BTBD3: variants seen among roughly 807,000 people sequenced by gnomAD.
BTBD3 encodes the protein BTB domain containing 3.
BTBD3 carries 14 observed loss-of-function variants against 41.6 expected under a neutral mutation model. The observed-to-expected ratio is 0.34, with a 90% CI of 0.22 to 0.53. The LOEUF (loss-of-function observed/expected upper bound fraction) is 0.53, where lower values mean the gene tolerates loss of function less well. Among genes scored for constraint, BTBD3 ranks in the 20% least tolerant of loss-of-function variants. The pLI is 0.95. For synonymous variants in BTBD3, 249 were observed against 233.7 expected (o/e 1.07, Z -0.60); for missense variants, 426 against 654.7 (o/e 0.65, Z 3.81).
chr20:11,898,217 C>G lies in BTBD3; in HGVS notation c.-126+7263C>G, dbSNP rs115987823. Reference sequence around the variant, plus strand: ...CCCTACATGATCTGATTCTCACTAACTGACCTCTTCTCCCGCTTGTCTCCC... The same window carrying G: ...CCCTACATGATCTGATTCTCACTAAGTGACCTCTTCTCCCGCTTGTCTCCC... On this transcript the variant is annotated intron_variant, in intron 1 of 4. Coordinates refer to the BTBD3 transcript ENST00000254977. Among the ~76,000 whole-genome samples, 1,447 of 152,180 alleles carry G rather than the reference C, an allele frequency of 9.5e-3. 26 individuals carry two copies. Among genetic ancestry groups the G allele is most frequent in the African/African-American group, 0.033 (1,369 of 41,516 alleles).
At chr20:11,896,576 A>G (rs1294112811) in intron 1 of BTBD3, among the ~76,000 whole-genome samples, 2 of 152,212 alleles carry the variant, frequency 1.3e-5, no homozygotes, top group African/African-American at 4.8e-5. Flanking sequence ...TTTAGTAAGG[A>G]AAAGAATAGT....
At chr20:11,921,319 T>A (rs1377844555) in intron 3 of BTBD3, among the ~76,000 whole-genome samples, 1 of 152,256 alleles carries the variant, frequency 6.6e-6, no homozygotes, top group African/African-American at 2.4e-5. Flanking sequence ...CTATAGCAGA[T>A]ATTGATAAAG....
At position 11,897,746 on chromosome 20, in the gene BTBD3, T is replaced by C. The variant is rs573901379; in HGVS notation, c.-126+6792T>C. ...TCCTTCCCTGGCTTCTCTTTGATTT[T>C]CCATCTGCTTAACATCAGAGTGATC... On this transcript the variant is annotated intron_variant, in intron 1 of 4. Coordinates refer to the BTBD3 transcript ENST00000254977. Among the ~76,000 whole-genome samples the C allele has an allele frequency of 5.9e-5, 9 of 152,356 alleles. No individual in the cohort carries two copies. In the East Asian group the frequency reaches 1.7e-3, roughly 29 times the overall value.
Position 11,919,179 on chromosome 20 carries a change from A to G in BTBD3, c.417+3A>G. ...CTCAACGGTTGCCAGGACACAAAGT[A>G]AGCAACAGCTGCATGACCGGTTTAG... On this transcript the variant is annotated splice_donor_region_variant and intron_variant, in intron 2 of 3. Coordinates refer to ENST00000378226, the MANE Select transcript of BTBD3 (RefSeq NM_014962.4). 1 of 1,612,802 alleles carries G rather than the reference A, an allele frequency of 6.2e-7. No homozygotes were observed. The highest frequency in any genetic ancestry group is 8.5e-7 in the Non-Finnish European group (1 of 1,179,058).
At position 11,918,307 on chromosome 20, in the gene BTBD3, G is replaced by A. The variant is rs1254916725; in HGVS notation, c.32G>A (p.Cys11Tyr). Residue 11 changes from cysteine (C) to tyrosine (Y), a missense_variant, in exon 1 of 4, where the codon TGT becomes TAT. Cys to Tyr is a radical substitution (Grantham distance 194). This residue lies in a region of BTBD3 where 53 missense variants were observed against 74.8 expected (regional missense o/e 0.71). Coordinates refer to ENST00000378226, the MANE Select transcript of BTBD3 (RefSeq NM_014962.4). MVDDKEKNMK[C>Y]LTFFLMLPET... ...GATGACAAGGAAAAGAACATGAAATGTCTCACCTTCTTCTTGATGCTTCCA... is the reference window on the plus strand; with the variant it reads ...GATGACAAGGAAAAGAACATGAAATATCTCACCTTCTTCTTGATGCTTCCA... 1 of 1,604,216 alleles carries A rather than the reference G, an allele frequency of 6.2e-7. No homozygotes were observed. Among genetic ancestry groups the A allele is most frequent in the Admixed American group, 1.7e-5 (1 of 58,188 alleles).
At chr20:11,911,645 C>G (rs1307380064) in intron 1 of BTBD3, among the ~76,000 whole-genome samples, 1 of 152,194 alleles carries the variant, frequency 6.6e-6, no homozygotes, top group Non-Finnish European at 1.5e-5. Context: ...TCAAAGCCAT[C>G]CTAGGCCTCT....
At chr20:11,908,297 T>G (rs992913828) in intron 1 of BTBD3, among the ~76,000 whole-genome samples, 11 of 147,436 alleles carry the variant, frequency 7.5e-5, no homozygotes, top group Non-Finnish European at 1.5e-5. Context: ...CTGTTAACTA[T>G]GGTGGAGTGG....
At chr20:11,916,507 A>G (rs1208376000), upstream of BTBD3, among the ~76,000 whole-genome samples, 1 of 152,188 alleles carries the variant, frequency 6.6e-6, no homozygotes, top group East Asian at 1.9e-4. Flanking sequence ...TAACTGTGCT[A>G]CAGGCCCTGG....
intron 1 of BTBD3, among the ~76,000 whole-genome samples, chr20:11,892,225 A>G (rs1004038261): frequency 5.9e-5 from 9 of 152,138 alleles, no homozygotes; most frequent in Non-Finnish European, 1.0e-4. Flanking sequence ...CAATTGTTCT[A>G]AGTGTTGTTT....
At chr20:11,892,163 G>A (rs1050965716) in intron 1 of BTBD3, among the ~76,000 whole-genome samples, 2 of 152,168 alleles carry the variant, frequency 1.3e-5, no homozygotes, top group African/African-American at 2.4e-5. Flanking sequence ...GGAGGGAAGC[G>A]TCTCTAACGG....
intron 1 of BTBD3, among the ~76,000 whole-genome samples, chr20:11,909,161 G>T (rs1376348539): frequency 6.6e-6 from 1 of 151,644 alleles, no homozygotes; most frequent in Non-Finnish European, 1.5e-5. Flanking sequence ...GTAATCTCAG[G>T]TATTTGGGAA....
chr20:11,894,780 A>G (rs1389741414), intron 1 of BTBD3, among the ~76,000 whole-genome samples: 1 of 152,128 alleles, frequency 6.6e-6, no homozygotes, highest in Non-Finnish European at 1.5e-5. Context: ...ATGCTTGGAA[A>G]GCCCAGAAAG....
At chr20:11,900,290 G>T (rs532174932) in intron 1 of BTBD3, among the ~76,000 whole-genome samples, 1 of 152,284 alleles carries the variant, frequency 6.6e-6, no homozygotes, top group African/African-American at 2.4e-5. Flanking sequence ...TAAATATTCA[G>T]TACTATTGGC....
chr20:11,895,182 T>G (rs1024597426), intron 1 of BTBD3, among the ~76,000 whole-genome samples: 1 of 152,324 alleles, frequency 6.6e-6, no homozygotes, highest in African/African-American at 2.4e-5. Context: ...GTTTTAGGTC[T>G]TGCTTCTCTG....
intron 1 of BTBD3, among the ~76,000 whole-genome samples, chr20:11,912,354 C>T (rs1256466834): frequency 6.6e-6 from 1 of 152,208 alleles, no homozygotes; most frequent in Non-Finnish European, 1.5e-5. Flanking sequence ...GGCACCCAGC[C>T]TGAAGTGTGG....
chr20:11,894,280 C>A (rs953221001), intron 1 of BTBD3, among the ~76,000 whole-genome samples: 2 of 152,154 alleles, frequency 1.3e-5, no homozygotes, highest in Non-Finnish European at 2.9e-5. Context: ...TTAAATATTT[C>A]GGATTTACTC....
chr20:11,897,594 T>C (rs1232490), intron 1 of BTBD3, among the ~76,000 whole-genome samples: 111,755 of 151,410 alleles, frequency 0.74, 41,603 homozygotes, highest in Non-Finnish European at 0.78. Context: ...GTCTTCAAAA[T>C]GTATCCAGAA....
At chr20:11,897,694 C>T (rs1156446088) in intron 1 of BTBD3, among the ~76,000 whole-genome samples, 1 of 152,132 alleles carries the variant, frequency 6.6e-6, no homozygotes, top group Non-Finnish European at 1.5e-5. Flanking sequence ...TGGCCCATGG[C>T]CTCCTAACAG....
intron 1 of BTBD3, among the ~76,000 whole-genome samples, chr20:11,899,659 A>C (rs2056812010): frequency 6.6e-6 from 1 of 152,096 alleles, no homozygotes; most frequent in South Asian, 2.1e-4. Flanking sequence ...TGCACTTACC[A>C]AGCAGTCATT....
Sources: allele counts gnomAD v4.1 joint callset (sites outside exome capture counted in the v4.1 genomes callset), GRCh38; gene constraint gnomAD v4.1.1; regional missense constraint gnomAD v4.1.1; transcripts MANE v1.5; gene names NCBI Gene and HGNC (gene_info 2026-07-23, HGNC 2026-07-21).